The following KCNB2 variants were observed in gnomAD, a reference collection of about 807,000 sequenced individuals.
KCNB2 encodes delayed rectifier potassium channel protein.
Under a neutral mutation model 61.5 loss-of-function variants are expected in KCNB2, and 15 were observed. That is an observed-to-expected ratio of 0.24 (90% CI 0.16 to 0.38). KCNB2 has a LOEUF of 0.38. Ranked by LOEUF, KCNB2 falls within the 10% of genes least tolerant of loss-of-function variation. The pLI is 1.00. For missense variants in KCNB2, 828 were observed against 1,125.2 expected, an observed-to-expected ratio of 0.74 and a Z score of 3.78; for synonymous variants, 457 against 446.0, an observed-to-expected ratio of 1.02 and a Z score of -0.31.
At chr8:72,670,313 A>G (rs1053730224) in intron 2 of KCNB2, among the ~76,000 whole-genome samples, 1 of 152,216 alleles carries the variant, frequency 6.6e-6, no homozygotes, top group Admixed American at 6.5e-5. Flanking sequence ...TCCAAGGCTA[A>G]TTACTCTCTT....
chr8:72,850,574 G>A (rs545883302), intron 2 of KCNB2, among the ~76,000 whole-genome samples: 2 of 152,282 alleles, frequency 1.3e-5, no homozygotes, highest in East Asian at 3.9e-4. Flanking sequence ...ATAGCCAAAT[G>A]AGTAATTATG....
At chr8:72,895,318 A>T (rs1238791512) in intron 2 of KCNB2, among the ~76,000 whole-genome samples, 1 of 152,176 alleles carries the variant, frequency 6.6e-6, no homozygotes, top group Non-Finnish European at 1.5e-5. Context: ...TGGGAGAGAG[A>T]GTCAGCAGAC....
At chr8:72,815,202 G>A (rs2129000684) in intron 2 of KCNB2, among the ~76,000 whole-genome samples, 1 of 152,208 alleles carries the variant, frequency 6.6e-6, no homozygotes, top group South Asian at 2.1e-4. Flanking sequence ...AAGGAAGAAA[G>A]GAAATGGAAA....
intron 2 of KCNB2, among the ~76,000 whole-genome samples, chr8:72,691,084 G>A (rs578126604): frequency 3.9e-5 from 6 of 152,246 alleles, no homozygotes; most frequent in African/African-American, 1.4e-4. Flanking sequence ...AGGCTAAGAG[G>A]CATTTAATCT....
At chr8:72,555,154 T>G (rs1371940105) in intron 1 of KCNB2, among the ~76,000 whole-genome samples, 1 of 152,038 alleles carries the variant, frequency 6.6e-6, no homozygotes, top group Non-Finnish European at 1.5e-5. Flanking sequence ...AAACTTACCT[T>G]TCTGAGCCTC....
chr8:72,928,726 A>C (rs551994643), intron 2 of KCNB2, among the ~76,000 whole-genome samples: 26 of 151,172 alleles, frequency 1.7e-4, no homozygotes, highest in Non-Finnish European at 2.5e-4. Context: ...TTTTATAAAA[A>C]ACATATTTTA....
intron 2 of KCNB2, among the ~76,000 whole-genome samples, chr8:72,671,055 G>T (rs1806556261): frequency 6.6e-6 from 1 of 152,128 alleles, no homozygotes; most frequent in Non-Finnish European, 1.5e-5. Context: ...GAATTTCAGA[G>T]CTGCAAGAAA....
Position 72,773,410 on chromosome 8 carries a change from C to A in KCNB2, c.580-162525C>A, listed in dbSNP as rs1033824867. On this transcript the variant is annotated intron_variant, in intron 2 of 2. Coordinates refer to ENST00000523207, the MANE Select transcript of KCNB2 (RefSeq NM_004770.3). ...AGATTGTCAGAGATCTACATGCAAT[C>A]CCATAGAAAGCCCTGTAGAGGCTGT... Among the ~76,000 whole-genome samples, 4 of 152,192 alleles carry A rather than the reference C, an allele frequency of 2.6e-5. No homozygotes were observed. In the East Asian group the frequency reaches 7.7e-4, roughly 29 times the overall value.
At chr8:72,630,084 A>G (rs530095198) in intron 2 of KCNB2, among the ~76,000 whole-genome samples, 1 of 152,302 alleles carries the variant, frequency 6.6e-6, no homozygotes, top group East Asian at 1.9e-4. Context: ...GAATTGACTC[A>G]CACCAGCTGG....
chr8:72,761,415 T>C (rs1808377035), intron 2 of KCNB2, among the ~76,000 whole-genome samples: 1 of 152,154 alleles, frequency 6.6e-6, no homozygotes, highest in South Asian at 2.1e-4. Context: ...CTTCCAACAA[T>C]GCCTAAGGAG....
intron 2 of KCNB2, among the ~76,000 whole-genome samples, chr8:72,821,641 C>CAAAAAAAAAAAAAA (rs61090576): frequency 4.0e-5 from 5 of 125,774 alleles, no homozygotes; most frequent in African/African-American, 8.8e-5. Context: ...CAAAAAAAAA[C>CAAAAAAAAAAAAAA]AAAAAAAAAA....
chr8:72,918,773 T>C (rs1253593284), intron 2 of KCNB2, among the ~76,000 whole-genome samples: 2 of 152,222 alleles, frequency 1.3e-5, no homozygotes, highest in Non-Finnish European at 2.9e-5. Context: ...GTGGTGCAGC[T>C]GGCCAGTGGC....
intron 2 of KCNB2, among the ~76,000 whole-genome samples, chr8:72,601,346 A>C (rs948805569): frequency 2.0e-5 from 3 of 152,184 alleles, no homozygotes; most frequent in Admixed American, 2.0e-4. Flanking sequence ...TCCAGTGGAG[A>C]GTATGGGAAA....
intron 2 of KCNB2, among the ~76,000 whole-genome samples, chr8:72,856,733 A>G (rs1052029090): frequency 2.0e-5 from 3 of 152,226 alleles, no homozygotes; most frequent in African/African-American, 7.2e-5. Context: ...GCAGTGGGTT[A>G]AAGAACATTG....
intron 1 of KCNB2, among the ~76,000 whole-genome samples, chr8:72,544,855 A>C (rs1385876873): frequency 6.6e-6 from 1 of 152,172 alleles, no homozygotes; most frequent in Non-Finnish European, 1.5e-5. Flanking sequence ...CATCCAGCTG[A>C]CATTGTGGAA....
rs759747355 is a variant in KCNB2, at chr8:72,936,969, G to A, written c.1614G>A (p.Gln538=). The A allele has an allele frequency of 1.2e-6, 2 of 1,614,174 alleles. No individual in the cohort carries two copies. The highest frequency in any genetic ancestry group is 1.7e-6 in the Non-Finnish European group (2 of 1,180,028). Residue 538 remains glutamine, a synonymous_variant, in exon 3 of 3, where the codon CAG becomes CAA. Coordinates refer to ENST00000523207, the MANE Select transcript of KCNB2 (RefSeq NM_004770.3). This position sits in a 1 kb window ranked among gnomAD's most constrained non-coding sequence, Gnocchi z 5.6. The part of the protein sequence containing the change: ...SSSSPQHLSA[Q]KLEMLYNEIT... ...CCAGCCCACAGCATCTGAGTGCCCA[G>A]AAACTGGAGATGCTATACAATGAAA...
At chr8:72,633,042 C>T (rs1450182613) in intron 2 of KCNB2, among the ~76,000 whole-genome samples, 1 of 152,184 alleles carries the variant, frequency 6.6e-6, no homozygotes, top group Non-Finnish European at 1.5e-5. Context: ...GCTTGACTGG[C>T]TCCTCTGTTC....
At chr8:72,725,591 GTA>G (rs60157669) in intron 2 of KCNB2, among the ~76,000 whole-genome samples, 6,816 of 51,450 alleles carry the variant, frequency 0.13, 324 homozygotes, top group East Asian at 0.43. Flanking sequence ...ATATATGTAT[GTA>G]TATATATATA....
intron 2 of KCNB2, among the ~76,000 whole-genome samples, chr8:72,715,019 G>A (rs919654059): frequency 9.9e-5 from 15 of 151,868 alleles, no homozygotes; most frequent in South Asian, 2.1e-4. Context: ...TCCTAGTCTC[G>A]GATAAAACAG....
Sources: gnomAD v4.1 joint callset for allele counts (sites outside exome capture counted in the v4.1 genomes callset) on GRCh38, gnomAD v4.1.1 for gene constraint, Gnocchi (gnomAD v3.1) non-coding constraint, MANE v1.5 for transcripts, NCBI Gene and HGNC (gene_info 2026-07-23, HGNC 2026-07-21) for gene names.